Variants in MNX1 observed in about 807,000 individuals in gnomAD.
MNX1 encodes motor neuron and pancreas homeobox protein 1.
MNX1 carries 2 observed loss-of-function variants against 17.3 expected under a neutral mutation model. The observed-to-expected ratio is 0.12, with a 90% CI of 0.05 to 0.36. The LOEUF (loss-of-function observed/expected upper bound fraction) is 0.36. Ranked by LOEUF, MNX1 falls within the 10% of genes least tolerant of loss-of-function variation. MNX1 has a pLI of 1.00. For synonymous variants in MNX1, 306 were observed against 283.1 expected, an observed-to-expected ratio of 1.08 and a Z score of -0.81; for missense variants, 556 against 564.7, an observed-to-expected ratio of 0.98 and a Z score of 0.16.
rs369111088 is a variant in MNX1, at chr7:157,005,710, G to C, written c.1016C>G (p.Pro339Arg). Residue 339 changes from proline (P) to arginine (R), a missense_variant, in exon 3 of 3, where the codon CCC (proline) becomes CGC (arginine). This residue lies in a region of MNX1 where 178 missense variants were observed against 155.2 expected (regional missense o/e 1.15). Coordinates refer to ENST00000252971, the MANE Select transcript of MNX1 (RefSeq NM_005515.4). The part of the protein sequence containing the change: ...GAEELLGPPA[P>R]GDKGSGRRLR... ...GCGGCGTCCGCTGCCCTTGTCTCCG[G>C]GCGCTGGCGGCCCCAGCAGCTCCTC... The C allele has an allele frequency of 1.9e-6, 3 of 1,610,216 alleles. No homozygotes were observed. Among genetic ancestry groups the C allele is most frequent in the Non-Finnish European group, 2.5e-6 (3 of 1,179,312 alleles).
rs755099175 is a variant in MNX1 at position 157,006,011 on chromosome 7, G to C, written c.853-138C>G. 1.7e-4 allele frequency: 150 copies of C among 871,020 alleles called. 1 individual carries two copies. The highest frequency in any genetic ancestry group is 2.4e-4 in the Non-Finnish European group (138 of 564,986). The allele number at this position is 871,020 out of a possible 1,614,324, so 54.0% of individuals were successfully genotyped here. A position where few individuals can be genotyped will look rare whatever the true frequency, so the allele number is the denominator to read the frequency against. ...CTCAGGGTGAGACGACTTAGAAGCA[G>C]AATGGGGAGGGGGCTCGTAGCTTCC... On this transcript the variant is annotated intron_variant, in intron 2 of 2. Transcript: ENST00000252971. This position sits in a 1 kb window ranked among gnomAD's most constrained non-coding sequence, Gnocchi z 6.3.
chr7:157,010,191 T>A lies in MNX1; in HGVS notation c.160A>T (p.Thr54Ser). 1 of 1,207,418 alleles carries A rather than the reference T, an allele frequency of 8.3e-7. No individual in the cohort carries two copies. Among genetic ancestry groups the A allele is most frequent in the East Asian group, 3.5e-5 (1 of 28,554 alleles). 74.8% of individuals were successfully genotyped at this position (1,207,418 alleles called of 1,614,324 possible). ...GGGGGGASGG[T>S]SGSCSPASSE... ...GACGCGGGGCTGCAGCTGCCGCTAG[T>A]CCCGCCGCTCGCCCCGCCGCCGCCG... Residue 54 changes from threonine to serine, a missense_variant, in exon 1 of 3, where the codon ACT (threonine) becomes TCT (serine). Thr to Ser is a moderately conservative substitution (Grantham distance 58). Transcript: ENST00000252971.
chr7:157,009,871 G>T lies in MNX1; in HGVS notation c.480C>A (p.Gly160=), dbSNP rs1805676403. The T allele has an allele frequency of 3.0e-5, 44 of 1,453,316 alleles. No homozygotes were observed. The highest frequency in any genetic ancestry group is 3.8e-5 in the Non-Finnish European group (42 of 1,109,648). 90.0% of individuals were successfully genotyped at this position (1,453,316 alleles called of 1,614,324 possible). The part of the protein sequence containing the change: ...AGLPAQAALY[G]HPVYGYSAAA... ...CCGCGGAGTAGCCGTAGACCGGGTG[G>T]CCGTAGAGCGCCGCCTGCGCCGGGA... The change falls in exon 1 of 3, where the codon GGC becomes GGA. Residue 160 remains glycine, a synonymous_variant. Transcript: ENST00000252971.
At position 157,009,895 on chromosome 7, in the gene MNX1, G is replaced by C. The variant is rs1334430525; in HGVS notation, c.456C>G (p.Leu152=). 3 of 1,394,714 alleles carry C rather than the reference G, an allele frequency of 2.2e-6. No individual in the cohort carries two copies. The highest frequency in any genetic ancestry group is 1.5e-5 in the South Asian group (1 of 67,456). The allele number at this position is 1,394,714 out of a possible 1,614,324, so 86.4% of individuals were successfully genotyped here. A position where few individuals can be genotyped will look rare whatever the true frequency, so the allele number is the denominator to read the frequency against. Residue 152 remains leucine (L), a synonymous_variant, in exon 1 of 3, where the codon CTC becomes CTG. Coordinates refer to ENST00000252971, the MANE Select transcript of MNX1 (RefSeq NM_005515.4). ...GGCCGTAGAGCGCCGCCTGCGCCGG[G>C]AGGCCCGCGCCGCCCTGCGCGCCCC... is the stretch of plus-strand genomic sequence containing the variant. ...HPGGAQGGAG[L]PAQAALYGHP... is the part of the protein sequence containing the mutation.
In MNX1 at chr7:157,009,428, T is replaced by C. The variant is rs1805665739; in HGVS notation, c.691+232A>G. On this transcript the variant is annotated intron_variant, in intron 1 of 2. Transcript: ENST00000252971. ...TCACACCTCCAACTGCCCCTTCCCG[T>C]TAAGAGAGGAAGAGAAGGCAAGGCC... 2.8e-6 allele frequency: 4 copies of C among 1,427,124 alleles called. No homozygotes were observed. The South Asian group carries it at 6.1e-5, about 22-fold the overall frequency. The allele number at this position is 1,427,124 out of a possible 1,614,324, so 88.4% of individuals were successfully genotyped here.
At chr7:157,008,948 T>G (rs1586594036) in intron 1 of MNX1, 1 of 1,523,778 alleles carries the variant, frequency 6.6e-7, no homozygotes, top group African/African-American at 1.4e-5. Flanking sequence ...GGCTCTGGGG[T>G]GGGGAGAACA....
Position 157,006,590 on chromosome 7 carries a change from G to A in MNX1, c.741C>T (p.Ala247=). The change falls in exon 2 of 3, where the codon GCC becomes GCT. Residue 247 remains alanine (A), a synonymous_variant. Coordinates refer to ENST00000252971, the MANE Select transcript of MNX1 (RefSeq NM_005515.4). The surrounding 1 kb of genome is among the most constrained non-coding windows in gnomAD (Gnocchi z 6.3). The stretch of plus-strand genomic sequence containing the variant: ...GCTCCAGCAGCTGCTGGCTGGTGAA[G>A]GCGGTGCGCGGCCGGCGGCACTTCC... The part of the protein sequence containing the change: ...LLGKCRRPRT[A]FTSQQLLELE... The A allele has an allele frequency of 6.2e-7, 1 of 1,604,892 alleles. No homozygotes were observed. Among genetic ancestry groups the A allele is most frequent in the Non-Finnish European group, 8.5e-7 (1 of 1,177,020 alleles).
Position 157,005,591 on chromosome 7 carries a change from C to A in MNX1, c.1135G>T (p.Ala379Ser). 3 of 1,598,468 alleles carry A rather than the reference C, an allele frequency of 1.9e-6. No individual in the cohort carries two copies. Among genetic ancestry groups the A allele is most frequent in the Non-Finnish European group, 1.7e-6 (2 of 1,174,566 alleles). The stretch of plus-strand genomic sequence containing the variant: ...TCCTCCGAGGAGCAGTCGGAGGAGG[C>A]GGCGTGGACGCTGGCGCCGTTGCTG... Reference protein sequence around the residue: ...PYSNGASVHAASSDCSSEDDS... With the variant: ...PYSNGASVHASSSDCSSEDDS... The change falls in exon 3 of 3, where the codon GCC becomes TCC. Residue 379 changes from alanine to serine, a missense_variant. Transcript: ENST00000252971.
rs750156494 is a variant in MNX1 at position 157,006,192 on chromosome 7, TA to T, written c.852+286del. On this transcript the variant is annotated intron_variant, in intron 2 of 2. Coordinates refer to ENST00000252971, the MANE Select transcript of MNX1 (RefSeq NM_005515.4). The surrounding 1 kb of genome is among the most constrained non-coding windows in gnomAD (Gnocchi z 6.3). ...GTCAGGGCAGCTGGCTACGTCGCGG[TA>T]AATCTCAGGATGTTCCCTCCTCTCT... The T allele has an allele frequency of 2.1e-4, 125 of 583,090 alleles. No individual in the cohort carries two copies. The highest frequency in any genetic ancestry group is 4.9e-5 in the Non-Finnish European group (16 of 329,758). The allele number at this position is 583,090 out of a possible 1,614,324, so 36.1% of individuals were successfully genotyped here.
chr7:157,005,604 G>C lies in MNX1; in HGVS notation c.1122C>G (p.Ala374=). Residue 374 remains alanine, a synonymous_variant, in exon 3 of 3, where the codon GCC becomes GCG. Transcript: ENST00000252971. ...DEDHFPYSNG[A]SVHAASSDCS... ...AGTCGGAGGAGGCGGCGTGGACGCT[G>C]GCGCCGTTGCTGTAGGGGAAATGGT... The C allele has an allele frequency of 1.2e-6, 2 of 1,604,256 alleles. No homozygotes were observed. Among genetic ancestry groups the C allele is most frequent in the Non-Finnish European group, 1.7e-6 (2 of 1,176,814 alleles).
In MNX1 at chr7:157,005,778, G is replaced by A. The variant is rs747490891; in HGVS notation, c.948C>T (p.Gly316=). 5 of 1,610,092 alleles carry A rather than the reference G, an allele frequency of 3.1e-6. No individual in the cohort carries two copies. The highest frequency in any genetic ancestry group is 2.2e-5 in the South Asian group (2 of 91,076). The part of the protein sequence containing the change: ...AAQEAEKQKG[G]GGGAGKGGAE... The stretch of plus-strand genomic sequence containing the variant: ...CGCCGCCCTTCCCCGCGCCCCCGCC[G>A]CCGCCCTTCTGTTTCTCCGCTTCCT... The change falls in exon 3 of 3, where the codon GGC becomes GGT. Residue 316 remains glycine (G), a synonymous_variant. Coordinates refer to ENST00000252971, the MANE Select transcript of MNX1 (RefSeq NM_005515.4).
Position 157,009,749 on chromosome 7 carries a change from A to G in MNX1, c.602T>C (p.Ile201Thr). 1.2e-6 allele frequency: 2 copies of G among 1,606,246 alleles called. No homozygotes were observed. Among genetic ancestry groups the G allele is most frequent in the Non-Finnish European group, 1.7e-6 (2 of 1,178,338 alleles). The part of the protein sequence containing the change: ...GAHPAHPADP[I>T]KLGAGTFQLD... ...CTGGAAGGTGCCGGCGCCCAGCTTGATGGGGTCGGCGGGGTGCGCGGGGTG... is the reference window on the plus strand; with the variant it reads ...CTGGAAGGTGCCGGCGCCCAGCTTGGTGGGGTCGGCGGGGTGCGCGGGGTG... Residue 201 changes from isoleucine (I) to threonine (T), a missense_variant, in exon 1 of 3, where the codon ATC (isoleucine) becomes ACC (threonine). Physicochemically the swap from Ile to Thr is moderately conservative, Grantham distance 89. Around this residue, in one of 7 missense-constraint regions of MNX1, gnomAD observed 210 missense variants for 211.3 expected, o/e 0.99. Coordinates refer to ENST00000252971, the MANE Select transcript of MNX1 (RefSeq NM_005515.4).
chr7:157,006,852 AATTT>A lies in MNX1; in HGVS notation c.692-217_692-214del. The A allele has an allele frequency of 3.1e-6, 1 of 327,632 alleles. No homozygotes were observed. The highest frequency in any genetic ancestry group is 4.9e-6 in the Non-Finnish European group (1 of 204,332). 20.3% of individuals were successfully genotyped at this position (327,632 alleles called of 1,614,324 possible). ...TGGATAGTTTGGAGTTAATGAGACC[AATTT>A]TTTTTTTTTTTTTTGTCTAGGAGAC... is the stretch of plus-strand genomic sequence containing the variant. On this transcript the variant is annotated intron_variant, in intron 1 of 2. Coordinates refer to ENST00000252971, the MANE Select transcript of MNX1 (RefSeq NM_005515.4). This position sits in a 1 kb window ranked among gnomAD's most constrained non-coding sequence, Gnocchi z 6.3.
In MNX1 at chr7:157,005,627, G is replaced by A. The variant is rs1199018889; in HGVS notation, c.1099C>T (p.His367Tyr). 2 of 1,609,150 alleles carry A rather than the reference G, an allele frequency of 1.2e-6. No individual in the cohort carries two copies. Among genetic ancestry groups the A allele is most frequent in the Non-Finnish European group, 1.7e-6 (2 of 1,178,738 alleles). Residue 367 changes from histidine to tyrosine, a missense_variant, in exon 3 of 3, where the codon CAT (histidine) becomes TAT (tyrosine). By Grantham distance (83) the His-to-Tyr change is moderately conservative. Coordinates refer to ENST00000252971, the MANE Select transcript of MNX1 (RefSeq NM_005515.4). ...CTGGCGCCGTTGCTGTAGGGGAAAT[G>A]GTCCTCGTCGTCCTCGTCCTCGTCC... ...EEDEDEDDED[H>Y]FPYSNGASVH...
chr7:157,009,880 C>G lies in MNX1; in HGVS notation c.471G>C (p.Ala157=), dbSNP rs1318264047. 12 of 1,431,552 alleles carry G rather than the reference C, an allele frequency of 8.4e-6. No individual in the cohort carries two copies. Among genetic ancestry groups the G allele is most frequent in the Non-Finnish European group, 6.4e-6 (7 of 1,098,130 alleles). 88.7% of individuals were successfully genotyped at this position (1,431,552 alleles called of 1,614,324 possible). A position where few individuals can be genotyped will look rare whatever the true frequency, so the allele number is the denominator to read the frequency against. Residue 157 remains alanine (A), a synonymous_variant, in exon 1 of 3, where the codon GCG becomes GCC. Coordinates refer to ENST00000252971, the MANE Select transcript of MNX1 (RefSeq NM_005515.4). The part of the protein sequence containing the change: ...QGGAGLPAQA[A]LYGHPVYGYS... ...AGCCGTAGACCGGGTGGCCGTAGAGCGCCGCCTGCGCCGGGAGGCCCGCGC... is the reference window on the plus strand; with the variant it reads ...AGCCGTAGACCGGGTGGCCGTAGAGGGCCGCCTGCGCCGGGAGGCCCGCGC...
At position 157,006,360 on chromosome 7, in the gene MNX1, G is replaced by C. The variant is rs987544117; in HGVS notation, c.852+119C>G. 1 of 1,182,046 alleles carries C rather than the reference G, an allele frequency of 8.5e-7. No homozygotes were observed. Among genetic ancestry groups the C allele is most frequent in the African/African-American group, 1.5e-5 (1 of 65,346 alleles). The allele number at this position is 1,182,046 out of a possible 1,614,324, so 73.2% of individuals were successfully genotyped here. On this transcript the variant is annotated intron_variant, in intron 2 of 2. Transcript: ENST00000252971. This position sits in a 1 kb window ranked among gnomAD's most constrained non-coding sequence, Gnocchi z 6.3. Reference sequence around the variant, plus strand: ...GCACCTTAGATGAACCCGTGCGCCCGCCGTCTGAACCGTCGAGGCGCAGCG... The same window carrying C: ...GCACCTTAGATGAACCCGTGCGCCCCCCGTCTGAACCGTCGAGGCGCAGCG...
Position 157,009,642 on chromosome 7 carries a change from G to T in MNX1, c.691+18C>A. 6.2e-7 allele frequency: 1 copy of T among 1,607,376 alleles called. No homozygotes were observed. ...GCCCTCCCGCCACGCGCATCCACGG[G>T]GGCCGCAGGGTACTCACAGTTGAAG... On this transcript the variant is annotated intron_variant, in intron 1 of 2. Coordinates refer to ENST00000252971, the MANE Select transcript of MNX1 (RefSeq NM_005515.4).
chr7:157,006,728 C>A lies in MNX1; in HGVS notation c.692-89G>T. The A allele has an allele frequency of 7.1e-7, 1 of 1,402,480 alleles. No individual in the cohort carries two copies. The highest frequency in any genetic ancestry group is 2.5e-5 in the East Asian group (1 of 39,770). The allele number at this position is 1,402,480 out of a possible 1,614,324, so 86.9% of individuals were successfully genotyped here. A position where few individuals can be genotyped will look rare whatever the true frequency, so the allele number is the denominator to read the frequency against. On this transcript the variant is annotated intron_variant, in intron 1 of 2. Transcript: ENST00000252971. The surrounding 1 kb of genome is among the most constrained non-coding windows in gnomAD (Gnocchi z 6.3). ...GCTGCTTGTACCACTACACTCAAGG[C>A]CCCAGCGCCAAGGCCTGGCCCTGCA... is the stretch of plus-strand genomic sequence containing the variant.
At chr7:157,009,067 A>C in intron 1 of MNX1, 3 of 1,536,796 alleles carry the variant, frequency 2.0e-6, no homozygotes, top group Non-Finnish European at 2.6e-6. Context: ...GGTTCAAGCC[A>C]GGCCACCTGC....
Sources: allele counts gnomAD v4.1 joint callset, GRCh38; gene constraint gnomAD v4.1.1; regional missense constraint gnomAD v4.1.1; non-coding constraint Gnocchi (gnomAD v3.1); transcripts MANE v1.5; gene names NCBI Gene and HGNC (gene_info 2026-07-23, HGNC 2026-07-21).